TOR1AIP1: variants seen among roughly 807,000 people sequenced by gnomAD.
TOR1AIP1 encodes torsin-1A-interacting protein 1.
TOR1AIP1 carries 54 observed loss-of-function variants against 63.3 expected under a neutral mutation model. That is an observed-to-expected ratio of 0.85 (90% CI 0.69 to 1.07). The LOEUF is 1.07. TOR1AIP1 is among the 50% of genes least tolerant of loss of function. The pLI, the probability that TOR1AIP1 is intolerant of heterozygous loss-of-function variation, is 0.00. For missense variants in TOR1AIP1, 736 were observed against 715.0 expected, an observed-to-expected ratio of 1.03 and a Z score of -0.33; for synonymous variants, 294 against 273.5, an observed-to-expected ratio of 1.07 and a Z score of -0.74.
rs1192653649 is a variant in TOR1AIP1 at position 179,918,787 on chromosome 1, A to T, written c.*548A>T. ...TGTTTTTTGGAAAATGGAAAGAACA[A>T]GGCAAGGAAGGAAAATTAATGGGGA... On this transcript the variant is annotated 3_prime_UTR_variant, in exon 10 of 10. Transcript: ENST00000606911. The T allele has an allele frequency of 6.6e-6, 1 of 152,668 alleles. No homozygotes were observed. Among genetic ancestry groups the T allele is most frequent in the Non-Finnish European group, 1.5e-5 (1 of 68,430 alleles). The allele number at this position is 152,668 out of a possible 1,614,324, so 9.5% of individuals were successfully genotyped here. A position where few individuals can be genotyped will look rare whatever the true frequency, so the allele number is the denominator to read the frequency against.
intron 9 of TOR1AIP1, among the ~76,000 whole-genome samples, chr1:179,914,470 C>A (rs1382692887): frequency 6.6e-6 from 1 of 152,124 alleles, no homozygotes; most frequent in African/African-American, 2.4e-5. Context: ...TTTAGTTCTC[C>A]AAGTCTTATT....
At chr1:179,886,481 T>C (rs957715514) in intron 2 of TOR1AIP1, among the ~76,000 whole-genome samples, 2 of 152,190 alleles carry the variant, frequency 1.3e-5, no homozygotes, top group African/African-American at 2.4e-5. Context: ...TTATTTGCCC[T>C]GCATAACTCA....
chr1:179,891,312 C>T (rs1420076083), intron 3 of TOR1AIP1, among the ~76,000 whole-genome samples: 1 of 152,126 alleles, frequency 6.6e-6, no homozygotes, highest in Non-Finnish European at 1.5e-5. Context: ...ACGTCTGCCT[C>T]CCAGGTTCAA....
At chr1:179,917,197 C>G (rs1018001748) in intron 9 of TOR1AIP1, among the ~76,000 whole-genome samples, 4 of 152,072 alleles carry the variant, frequency 2.6e-5, no homozygotes, top group African/African-American at 9.7e-5. Flanking sequence ...TGTTTAAAAA[C>G]TTTTTTCCTC....
At chr1:179,890,039 A>G (rs1648021359) in intron 3 of TOR1AIP1, among the ~76,000 whole-genome samples, 1 of 152,142 alleles carries the variant, frequency 6.6e-6, no homozygotes, top group African/African-American at 2.4e-5. Flanking sequence ...TTTTTTAAAG[A>G]GATTGTTTCT....
At position 179,882,550 on chromosome 1, in the gene TOR1AIP1, T is replaced by C. The variant is rs1033890221; in HGVS notation, c.48T>C (p.Gly16=). 6.8e-7 allele frequency: 1 copy of C among 1,479,596 alleles called. No homozygotes were observed. The highest frequency in any genetic ancestry group is 9.0e-7 in the Non-Finnish European group (1 of 1,117,280). The allele number at this position is 1,479,596 out of a possible 1,614,324, so 91.7% of individuals were successfully genotyped here. ...RRAEAVREGW[G]VYVTPRAPIR... ...CAGAGGCGGTGCGGGAAGGATGGGG[T>C]GTGTACGTCACCCCCAGGGCCCCCA... The change falls in exon 1 of 10, where the codon GGT becomes GGC. Residue 16 remains glycine, a synonymous_variant. Transcript: ENST00000606911.
At chr1:179,909,725 T>C (rs1012594849) in intron 8 of TOR1AIP1, among the ~76,000 whole-genome samples, 3 of 152,056 alleles carry the variant, frequency 2.0e-5, no homozygotes, top group African/African-American at 7.2e-5. Flanking sequence ...CTTGAGCCAC[T>C]GCGCCCAGCC....
chr1:179,904,565 T>C (rs1481184443), intron 6 of TOR1AIP1: 3 of 152,220 alleles, frequency 2.0e-5, no homozygotes, highest in East Asian at 3.8e-4. Flanking sequence ...GAAAGTCATA[T>C]ACCAAAATGC....
At chr1:179,914,430 T>TA (rs1468564297) in intron 9 of TOR1AIP1, among the ~76,000 whole-genome samples, 2 of 152,218 alleles carry the variant, frequency 1.3e-5, no homozygotes, top group Non-Finnish European at 2.9e-5. Flanking sequence ...TTGGACCACT[T>TA]ACCTCCTTTA....
At chr1:179,913,649 T>C (rs559405008) in intron 8 of TOR1AIP1, 15 of 702,420 alleles carry the variant, frequency 2.1e-5, no homozygotes, top group South Asian at 2.1e-4. Flanking sequence ...TGTTTCATTT[T>C]ATTATGGTGT....
chr1:179,910,199 AT>A (rs1156619730), intron 8 of TOR1AIP1, among the ~76,000 whole-genome samples: 1 of 152,140 alleles, frequency 6.6e-6, no homozygotes, highest in Admixed American at 6.5e-5. Context: ...TCTCGACCAT[AT>A]TTTTTTAAAG....
Position 179,901,179 on chromosome 1 carries a change from A to G in TOR1AIP1, c.653-123A>G, listed in dbSNP as rs1008270230. On this transcript the variant is annotated intron_variant, in intron 4 of 9. Transcript: ENST00000606911. ...ATAATAAGCATGATAAACAAACAGT[A>G]GTTCTATATCTGATAACTTAAAAGG... The G allele has an allele frequency of 1.2e-5, 6 of 504,248 alleles. No homozygotes were observed. The Admixed American group carries it at 1.5e-4, about 12-fold the overall frequency. 31.2% of individuals were successfully genotyped at this position (504,248 alleles called of 1,614,324 possible).
intron 1 of TOR1AIP1, chr1:179,883,832 C>CA: frequency 2.8e-6 from 1 of 363,434 alleles, no homozygotes; most frequent in Admixed American, 3.4e-5. Context: ...CCCTGCCCCC[C>CA]CCATTTTAGG....
At chr1:179,912,525 T>C (rs183078343) in intron 8 of TOR1AIP1, among the ~76,000 whole-genome samples, 4 of 152,350 alleles carry the variant, frequency 2.6e-5, no homozygotes, top group Non-Finnish European at 5.9e-5. Flanking sequence ...ATTAACATCA[T>C]AGAATTGCAC....
chr1:179,884,651 A>C (rs1013351347), intron 1 of TOR1AIP1, 41 bp from the exon 2 acceptor site: 1 of 1,508,934 alleles, frequency 6.6e-7, no homozygotes, highest in African/African-American at 1.4e-5. Flanking sequence ...CTCCCAGGTC[A>C]TATATTCTGA....
intron 2 of TOR1AIP1, among the ~76,000 whole-genome samples, chr1:179,885,947 G>A (rs1313512443): frequency 1.3e-5 from 2 of 152,068 alleles, no homozygotes. Context: ...CACCATGTTG[G>A]CCAAGCTGGT....
intron 3 of TOR1AIP1, among the ~76,000 whole-genome samples, chr1:179,893,754 A>T (rs1648179565): frequency 6.6e-6 from 1 of 152,014 alleles, no homozygotes; most frequent in Admixed American, 6.6e-5. Context: ...TAGTCTTAAA[A>T]CTATCTGTAC....
chr1:179,889,446 CAT>C, intron 3 of TOR1AIP1, 77 bp downstream of exon 3: 2 of 1,250,464 alleles, frequency 1.6e-6, no homozygotes, highest in African/African-American at 3.0e-5. Flanking sequence ...TACATGTATT[CAT>C]ATGATTCAGA....
chr1:179,902,842 C>T (rs538371399), intron 5 of TOR1AIP1, among the ~76,000 whole-genome samples: 38 of 152,264 alleles, frequency 2.5e-4, no homozygotes, highest in African/African-American at 8.4e-4. Flanking sequence ...AGTGTTCATA[C>T]ATATTACATG....
Sources: gnomAD v4.1 joint callset for allele counts (sites outside exome capture counted in the v4.1 genomes callset) on GRCh38, gnomAD v4.1.1 for gene constraint, MANE v1.5 for transcripts, NCBI Gene and HGNC (gene_info 2026-07-23, HGNC 2026-07-21) for gene names.